CHODL: variants seen among roughly 807,000 people sequenced by gnomAD.
CHODL encodes the protein transmembrane protein MT75.
In CHODL, 29 loss-of-function variants were observed where a neutral mutation model predicts 34.5. That is an observed-to-expected ratio of 0.84 (90% CI 0.63 to 1.15). The LOEUF (loss-of-function observed/expected upper bound fraction) is 1.15. Among genes scored for constraint, CHODL ranks in the 50% most tolerant of loss-of-function variants. The pLI, the probability that CHODL is intolerant of heterozygous loss-of-function variation, is 0.00. For missense variants in CHODL, 332 were observed against 332.5 expected, an observed-to-expected ratio of 1.00 and a Z score of 0.01; for synonymous variants, 125 against 116.1, an observed-to-expected ratio of 1.08 and a Z score of -0.49.
intron 2 of CHODL, among the ~76,000 whole-genome samples, chr21:18,058,593 A>G (rs1455373826): frequency 1.3e-5 from 2 of 152,218 alleles, no homozygotes; most frequent in African/African-American, 4.8e-5. Flanking sequence ...GCAGAGAAAG[A>G]CAAATAAATA....
chr21:18,065,425 C>T (rs992496292), intron 2 of CHODL, among the ~76,000 whole-genome samples: 12 of 152,088 alleles, frequency 7.9e-5, no homozygotes, highest in African/African-American at 2.7e-4. Flanking sequence ...CTGTGATTAA[C>T]GGAATGCACA....
chr21:18,033,144 T>C (rs2064267624), intron 2 of CHODL, among the ~76,000 whole-genome samples: 1 of 152,018 alleles, frequency 6.6e-6, no homozygotes, highest in African/African-American at 2.4e-5. Context: ...TAGGATGATA[T>C]ACCAATGGAG....
intron 2 of CHODL, among the ~76,000 whole-genome samples, chr21:18,032,641 A>G (rs1021248096): frequency 3.9e-5 from 6 of 152,122 alleles, no homozygotes; most frequent in African/African-American, 7.2e-5. Context: ...ACTGGAGCAA[A>G]TCAATGTACC....
chr21:18,179,515 A>G lies in CHODL; in HGVS notation c.-44-76994A>G, dbSNP rs146713090. 2.6e-4 allele frequency among the ~76,000 whole-genome samples: 39 copies of G among 152,162 alleles called. No individual in the cohort carries two copies. The East Asian group carries it at 7.6e-3, about 30-fold the overall frequency. ...AACTTTTGCAAGTCCTCTTATTTCT[A>G]CCACTCTAGAGTTGTGGCAGTTTTA... is the stretch of plus-strand genomic sequence containing the variant. On this transcript the variant is annotated intron_variant, in intron 2 of 6. Transcript: ENST00000400127.
chr21:17,931,335 G>C (rs1404698531), intron 1 of CHODL, among the ~76,000 whole-genome samples: 1 of 152,136 alleles, frequency 6.6e-6, no homozygotes, highest in Non-Finnish European at 1.5e-5. Context: ...AAGTACACAA[G>C]GCTAAAGAAT....
At chr21:18,063,790 A>G (rs16998250) in intron 2 of CHODL, among the ~76,000 whole-genome samples, 2,842 of 152,304 alleles carry the variant, frequency 0.019, 77 homozygotes, top group African/African-American at 0.065. Context: ...GATAAAACCA[A>G]AAATGTTTAA....
chr21:18,005,634 C>A (rs1358319332), intron 1 of CHODL, among the ~76,000 whole-genome samples: 1 of 152,182 alleles, frequency 6.6e-6, no homozygotes, highest in Non-Finnish European at 1.5e-5. Flanking sequence ...TAAGTCATGT[C>A]CACATAATTT....
chr21:18,253,028 T>C (rs2074276341), intron 1 of CHODL, among the ~76,000 whole-genome samples: 1 of 152,186 alleles, frequency 6.6e-6, no homozygotes, highest in Non-Finnish European at 1.5e-5. Flanking sequence ...TTCATTATTA[T>C]TATATCTGTA....
chr21:18,161,013 A>G (rs1351979716), intron 2 of CHODL, among the ~76,000 whole-genome samples: 1 of 152,102 alleles, frequency 6.6e-6, no homozygotes, highest in African/African-American at 2.4e-5. Context: ...TGACTTTTTA[A>G]TAATAGCCAT....
chr21:18,113,132 G>C (rs1461770499), intron 2 of CHODL, among the ~76,000 whole-genome samples: 10 of 152,136 alleles, frequency 6.6e-5, no homozygotes, highest in Non-Finnish European at 1.0e-4. Flanking sequence ...TTTCTCAAAA[G>C]AAGACATACA....
intron 2 of CHODL, among the ~76,000 whole-genome samples, chr21:18,167,605 G>A (rs1239509669): frequency 3.3e-5 from 5 of 151,988 alleles, no homozygotes; most frequent in Non-Finnish European, 5.9e-5. Context: ...CACCGTGCCC[G>A]GCCTTTATTA....
intron 2 of CHODL, among the ~76,000 whole-genome samples, chr21:18,188,493 G>A (rs967954098): frequency 6.6e-6 from 1 of 152,176 alleles, no homozygotes; most frequent in Non-Finnish European, 1.5e-5. Flanking sequence ...TAATCTATAT[G>A]ATTCAAACAA....
chr21:18,091,539 T>G (rs1014000990), intron 2 of CHODL, among the ~76,000 whole-genome samples: 2 of 152,156 alleles, frequency 1.3e-5, no homozygotes, highest in Non-Finnish European at 1.5e-5. Context: ...CACAGTAGGA[T>G]AGGGCACTGA....
At chr21:18,092,589 A>G (rs562665810) in intron 2 of CHODL, among the ~76,000 whole-genome samples, 1 of 152,350 alleles carries the variant, frequency 6.6e-6, no homozygotes, top group African/African-American at 2.4e-5. Flanking sequence ...ACAGAAAATG[A>G]ATTCAGGATT....
intron 2 of CHODL, among the ~76,000 whole-genome samples, chr21:18,086,953 C>T (rs974728399): frequency 6.6e-6 from 1 of 152,162 alleles, no homozygotes; most frequent in Non-Finnish European, 1.5e-5. Context: ...TTAGAGCAAT[C>T]CAGTGGGACC....
intron 1 of CHODL, among the ~76,000 whole-genome samples, chr21:17,995,388 C>T (rs896389303): frequency 6.6e-6 from 1 of 152,136 alleles, no homozygotes; most frequent in African/African-American, 2.4e-5. Context: ...CTTACATTTT[C>T]CCCAAAATGG....
At chr21:18,047,514 A>G (rs2064458708) in intron 2 of CHODL, among the ~76,000 whole-genome samples, 1 of 151,928 alleles carries the variant, frequency 6.6e-6, no homozygotes, top group Admixed American at 6.6e-5. Flanking sequence ...TAATAAGTTT[A>G]GATTGCCTGA....
intron 5 of CHODL, among the ~76,000 whole-genome samples, chr21:18,265,213 G>C (rs138826954): frequency 6.9e-6 from 1 of 145,292 alleles, no homozygotes; most frequent in Non-Finnish European, 1.5e-5. Flanking sequence ...ACACATATAT[G>C]TATGTGTATA....
chr21:18,057,501 T>C (rs1336315044), intron 2 of CHODL, among the ~76,000 whole-genome samples: 1 of 151,582 alleles, frequency 6.6e-6, no homozygotes, highest in Admixed American at 6.6e-5. Flanking sequence ...ACCTGACACA[T>C]CATTATCACC....
Sources: allele counts gnomAD v4.1 joint callset (sites outside exome capture counted in the v4.1 genomes callset), GRCh38; gene constraint gnomAD v4.1.1; transcripts MANE v1.5; gene names NCBI Gene and HGNC (gene_info 2026-07-23, HGNC 2026-07-21).